The following MYBPC3 variants were observed in gnomAD, a reference collection of about 807,000 sequenced individuals.
MYBPC3 encodes myosin-binding protein C, cardiac-type.
Under a neutral mutation model 159.3 loss-of-function variants are expected in MYBPC3, and 108 were observed. The observed-to-expected ratio is 0.68, with a 90% confidence interval of 0.58 to 0.80. The LOEUF (loss-of-function observed/expected upper bound fraction) is 0.80, where lower values mean the gene tolerates loss of function less well. MYBPC3 is among the 30% of genes least tolerant of loss of function. The pLI is 0.00. For missense variants in MYBPC3, 1,631 were observed against 1,762.1 expected (o/e 0.93, Z 1.33); for synonymous variants, 730 against 702.0 (o/e 1.04, Z -0.63).
intron 18 of MYBPC3, among the ~76,000 whole-genome samples, chr11:47,341,655 C>T (rs1024601188): frequency 6.6e-6 from 1 of 152,176 alleles, no homozygotes; most frequent in African/African-American, 2.4e-5. Flanking sequence ...GGGGAGGGTG[C>T]TGGGGAGCGC....
At position 47,333,682 on chromosome 11, in the gene MYBPC3, C is replaced by T. The variant is rs397516000; in HGVS notation, c.3065G>A (p.Arg1022His). Residue 1022 changes from arginine to histidine, a missense_variant, in exon 29 of 35, where the codon CGC becomes CAC. Arg to His is a conservative substitution (Grantham distance 29). Transcript: ENST00000545968. Reference sequence around the variant, plus strand: ...CAGGATGGTGTCTGTGGGGCTGTTGCGGATGCTCACCTCCTCGCCTGCCAG... The same window carrying T: ...CAGGATGGTGTCTGTGGGGCTGTTGTGGATGCTCACCTCCTCGCCTGCCAG... ...QPLAGEEVSI[R>H]NSPTDTILFI... is the part of the protein sequence containing the mutation. 6.2e-6 allele frequency: 10 copies of T among 1,611,220 alleles called. No homozygotes were observed. In the East Asian group the frequency reaches 6.7e-5, roughly 11 times the overall value.
chr11:47,341,834 C>G (rs1000989674), intron 18 of MYBPC3, among the ~76,000 whole-genome samples, 157 bp downstream of exon 18: 4 of 152,112 alleles, frequency 2.6e-5, no homozygotes, highest in African/African-American at 9.7e-5. Context: ...GTCTGTTTCT[C>G]CCTCTCTGTG....
rs1045051622 is a variant in MYBPC3, at chr11:47,332,923, T to C, written c.3381A>G (p.Pro1127=). 2 of 1,610,242 alleles carry C rather than the reference T, an allele frequency of 1.2e-6. No homozygotes were observed. Among genetic ancestry groups the C allele is most frequent in the African/African-American group, 2.7e-5 (2 of 74,862 alleles). The change falls in exon 31 of 35, where the codon CCA becomes CCG. Residue 1127 remains proline, a synonymous_variant. Coordinates refer to ENST00000545968, the MANE Select transcript of MYBPC3 (RefSeq NM_000256.3). This position sits in a 1 kb window ranked among gnomAD's most constrained non-coding sequence, Gnocchi z 4.2. ...AGTAGCCATTGCCAATGATGAGCTC[T>C]GGCACCACGCAGTGGGTGCGGCGGT... ...EHYRRTHCVV[P]ELIIGNGYYF...
intron 1 of MYBPC3, 77 bp downstream of exon 1, chr11:47,352,546 T>C: frequency 6.4e-7 from 1 of 1,564,598 alleles, no homozygotes; most frequent in South Asian, 1.2e-5. Flanking sequence ...CCTCAAGAAC[T>C]CCCTCCTAGC....
Position 47,349,817 on chromosome 11 carries a change from C to T in MYBPC3, c.611G>A (p.Gly204Asp). ...GKWVDLSSKV[G>D]QHLQLHDSYD... ...GCTGTCGTGCAGCTGCAGGTGCTGG[C>T]CCACCTTGCTGCTCAGGTCCACCCA... The change falls in exon 5 of 35, where the codon GGC becomes GAC. Residue 204 changes from glycine (G) to aspartate (D), a missense_variant. Transcript: ENST00000545968. 2 of 1,610,194 alleles carry T rather than the reference C, an allele frequency of 1.2e-6. No individual in the cohort carries two copies. Among genetic ancestry groups the T allele is most frequent in the Non-Finnish European group, 8.5e-7 (1 of 1,179,598 alleles).
chr11:47,349,662 G>T (rs1189172627), intron 5 of MYBPC3, 112 bp downstream of exon 5: 2 of 1,403,164 alleles, frequency 1.4e-6, no homozygotes, highest in Non-Finnish European at 1.9e-6. Context: ...CACACCCCTT[G>T]CTTGCAGCTC....
Position 47,332,247 on chromosome 11 carries a change from G to A in MYBPC3, c.3639C>T (p.Ser1213=). ...CCAGGTCCAGGCCATTCTTGAACCA[G>A]GAAATCTTGGGCTATAAATAAGGTA... ...AVRGSPKPKI[S]WFKNGLDLGE... The change falls in exon 33 of 35, where the codon TCC becomes TCT. Residue 1213 remains serine, a synonymous_variant. Transcript: ENST00000545968. The surrounding 1 kb of genome is among the most constrained non-coding windows in gnomAD (Gnocchi z 4.2). 6.2e-7 allele frequency: 1 copy of A among 1,613,804 alleles called. No homozygotes were observed. The highest frequency in any genetic ancestry group is 8.5e-7 in the Non-Finnish European group (1 of 1,179,878).
chr11:47,336,509 A>C (rs74808509), intron 25 of MYBPC3: 2 of 147,290 alleles, frequency 1.4e-5, no homozygotes, highest in East Asian at 2.0e-4. Flanking sequence ...AAAAAAAAAA[A>C]AAAACTAAAA....
At position 47,348,576 on chromosome 11, in the gene MYBPC3, C is replaced by A. The variant is rs1411217445; in HGVS notation, c.655-35G>T. 3.9e-6 allele frequency: 6 copies of A among 1,543,932 alleles called. No individual in the cohort carries two copies. The South Asian group carries it at 5.8e-5, about 15-fold the overall frequency. ...TGGAGGGACGGGGCGTCAGGGGACA[C>A]CAGGGGCCGGGAGACAAGGCTCCGC... On this transcript the variant is annotated intron_variant, in intron 5 of 34. Transcript: ENST00000545968.
rs373171036 is a variant in MYBPC3 at position 47,337,433 on chromosome 11, T to A, written c.2560A>T (p.Met854Leu). The part of the protein sequence containing the change: ...MRVYAVNAIG[M>L]SRPSPASQPF... The stretch of plus-strand genomic sequence containing the variant: ...TGGGAGGCAGGGCTGGGCCTGGACA[T>A]GCCGATGGCGTTGACCGCGTAGACG... The change falls in exon 25 of 35, where the codon ATG (methionine) becomes TTG (leucine). Residue 854 changes from methionine (M) to leucine (L), a missense_variant. Physicochemically the swap from Met to Leu is conservative, Grantham distance 15 (BLOSUM62 2). Transcript: ENST00000545968. 3 of 1,610,302 alleles carry A rather than the reference T, an allele frequency of 1.9e-6. No individual in the cohort carries two copies. The highest frequency in any genetic ancestry group is 2.5e-6 in the Non-Finnish European group (3 of 1,178,366).
At chr11:47,343,190 C>A in intron 14 of MYBPC3, 45 bp from the exon 15 acceptor site, 1 of 1,597,236 alleles carries the variant, frequency 6.3e-7, no homozygotes, top group South Asian at 1.1e-5. Flanking sequence ...TGCGGACACC[C>A]CTCCGGGCCC....
intron 29 of MYBPC3, 100 bp downstream of exon 29, chr11:47,333,457 A>G: frequency 3.9e-6 from 6 of 1,535,006 alleles, no homozygotes; most frequent in Non-Finnish European, 5.3e-6. Flanking sequence ...GGACTGGAAA[A>G]TGTGAGCTGT....
At position 47,337,757 on chromosome 11, in the gene MYBPC3, G is replaced by A. The variant is rs768638405; in HGVS notation, c.2346C>T (p.Asn782=). The A allele has an allele frequency of 7.7e-6, 12 of 1,555,640 alleles. No homozygotes were observed. In the South Asian group the frequency reaches 8.3e-5, roughly 11 times the overall value. The change falls in exon 24 of 35, where the codon AAC becomes AAT. Residue 782 remains asparagine (N), a synonymous_variant. Coordinates refer to ENST00000545968, the MANE Select transcript of MYBPC3 (RefSeq NM_000256.3). ...PDAPAAPKIS[N]VGEDSCTVQW... ...GTACTGTGCAGGAGTCCTCTCCCAC[G>A]TTGCTGATCTTGGGGGCCGCAGGTG...
intron 1 of MYBPC3, among the ~76,000 whole-genome samples, chr11:47,352,392 G>A (rs1356938903): frequency 6.6e-6 from 1 of 152,098 alleles, no homozygotes; most frequent in Non-Finnish European, 1.5e-5. Flanking sequence ...TGTCTTGGCT[G>A]TGTCCCCTCT....
intron 1 of MYBPC3, 41 bp downstream of exon 1, chr11:47,352,582 C>A: frequency 3.1e-6 from 5 of 1,601,062 alleles, no homozygotes; most frequent in Non-Finnish European, 4.3e-6. Context: ...TAGACACCCC[C>A]CTGCTCCCAC....
Position 47,339,729 on chromosome 11 carries a change from A to G in MYBPC3, c.1989T>C (p.Ala663=). 1 of 1,613,966 alleles carries G rather than the reference A, an allele frequency of 6.2e-7. No individual in the cohort carries two copies. Residue 663 remains alanine (A), a synonymous_variant, in exon 21 of 35, where the codon GCT becomes GCC. Transcript: ENST00000545968. The part of the protein sequence containing the change: ...GRIPDTIVVV[A]GNKLRLDVPI... ...GGACGTCCAGACGTAGCTTATTTCC[A>G]GCTACAACCACAATGGTGTCTGGTA...
chr11:47,347,553 G>A, intron 8 of MYBPC3, 74 bp from the exon 9 acceptor site: 1 of 1,560,594 alleles, frequency 6.4e-7, no homozygotes, highest in Non-Finnish European at 8.7e-7. Context: ...GGAGTGGAGT[G>A]GGGAGGGAGA....
intron 5 of MYBPC3, among the ~76,000 whole-genome samples, chr11:47,348,915 T>TACATAC (rs2095897407): frequency 2.5e-5 from 3 of 117,748 alleles, no homozygotes; most frequent in African/African-American, 9.0e-5. Context: ...AAATTATATA[T>TACATAC]ATATATATAT....
intron 27 of MYBPC3, among the ~76,000 whole-genome samples, chr11:47,334,675 C>T (rs1042988640): frequency 2.0e-5 from 3 of 152,164 alleles, no homozygotes; most frequent in Non-Finnish European, 4.4e-5. Flanking sequence ...ATTCTTCTGC[C>T]TCAGCCTCCC....
Sources: gnomAD v4.1 joint callset for allele counts (sites outside exome capture counted in the v4.1 genomes callset) on GRCh38, gnomAD v4.1.1 for gene constraint, Gnocchi (gnomAD v3.1) non-coding constraint, MANE v1.5 for transcripts, NCBI Gene and HGNC (gene_info 2026-07-23, HGNC 2026-07-21) for gene names.